Variants in SVOPL observed in about 807,000 individuals in gnomAD.
The protein encoded by SVOPL is putative transporter SVOPL.
In SVOPL, 60 loss-of-function variants were observed where a neutral mutation model predicts 61.0. The ratio of observed to expected loss-of-function variants is 0.98; its 90% CI spans 0.80 to 1.22. The LOEUF is 1.22. Ranked by LOEUF, SVOPL falls within the 50% of genes most tolerant of loss-of-function variation. The probability of loss-of-function intolerance (pLI) is 0.00; values close to 1 mark genes in which losing one functional copy is unlikely to be tolerated. For missense variants in SVOPL, 662 were observed against 643.9 expected, an observed-to-expected ratio of 1.03 and a Z score of -0.30; for synonymous variants, 279 against 250.0, an observed-to-expected ratio of 1.12 and a Z score of -1.09.
intron 12 of SVOPL, 187 bp from the exon 13 acceptor site, chr7:138,626,237 C>CA (rs1799888347): frequency 1.7e-6 from 1 of 597,786 alleles, no homozygotes; most frequent in Non-Finnish European, 3.0e-6. Context: ...ATCTTACTCC[C>CA]ACTGCCTTCT....
chr7:138,689,806 G>C (rs1802900798), intron 1 of SVOPL, among the ~76,000 whole-genome samples: 1 of 147,088 alleles, frequency 6.8e-6, no homozygotes, highest in African/African-American at 2.5e-5. Context: ...GCAGTGAGCT[G>C]AGATCATGCC....
chr7:138,663,711 T>C (rs948796824), intron 4 of SVOPL: 2 of 656,314 alleles, frequency 3.0e-6, no homozygotes, highest in Non-Finnish European at 3.8e-6. Flanking sequence ...TTTTATTTAT[T>C]ATAACTTGGC....
At chr7:138,680,571 T>TTGTGTG (rs60027714) in intron 1 of SVOPL, among the ~76,000 whole-genome samples, 344 of 148,106 alleles carry the variant, frequency 2.3e-3, no homozygotes, top group African/African-American at 7.4e-3. Context: ...ACACAGACTT[T>TTGTGTG]TGTGTGTGTG....
rs559202354 is a variant in SVOPL at position 138,661,275 on chromosome 7, T to C, written c.346-1287A>G. 12 of 985,412 alleles carry C rather than the reference T, an allele frequency of 1.2e-5. No homozygotes were observed. In the South Asian group the frequency reaches 5.6e-4, roughly 46 times the overall value. The allele number at this position is 985,412 out of a possible 1,614,324, so 61.0% of individuals were successfully genotyped here. A position where few individuals can be genotyped will look rare whatever the true frequency, so the allele number is the denominator to read the frequency against. Reference sequence around the variant, plus strand: ...GTCTAATCTTAGTAGGCACGTGACTTTGAGCACGTAGCTAGTTTCAAAGCT... The same window carrying C: ...GTCTAATCTTAGTAGGCACGTGACTCTGAGCACGTAGCTAGTTTCAAAGCT... On this transcript the variant is annotated intron_variant, in intron 5 of 15. Coordinates refer to ENST00000674285, the MANE Select transcript of SVOPL (RefSeq NM_001139456.2).
chr7:138,678,545 T>C lies in SVOPL; in HGVS notation c.83-20A>G. 1 of 1,550,224 alleles carries C rather than the reference T, an allele frequency of 6.5e-7. No homozygotes were observed. Among genetic ancestry groups the C allele is most frequent in the Non-Finnish European group, 8.7e-7 (1 of 1,146,334 alleles). ...TTGGCTCTAACAACGAAAGACAAAGTGGAAAAAATTGCTTCTGCAGGGAAG... is the reference window on the plus strand; with the variant it reads ...TTGGCTCTAACAACGAAAGACAAAGCGGAAAAAATTGCTTCTGCAGGGAAG... On this transcript the variant is annotated intron_variant, in intron 2 of 15. Transcript: ENST00000674285.
rs534697369 is a variant in SVOPL, at chr7:138,600,475, G to A, written c.1354-3945C>T. 5.9e-4 allele frequency among the ~76,000 whole-genome samples: 90 copies of A among 151,824 alleles called. No homozygotes were observed. The South Asian group carries it at 7.7e-3, about 13-fold the overall frequency. ...AAATTAGTCAGACACAGCAGCACAC[G>A]CCTGTACTCCCAGCTACTCAGAAGG... On this transcript the variant is annotated intron_variant, in intron 14 of 15. Coordinates refer to ENST00000674285, the MANE Select transcript of SVOPL (RefSeq NM_001139456.2).
intron 9 of SVOPL, among the ~76,000 whole-genome samples, chr7:138,640,767 G>A (rs1800742928): frequency 6.6e-6 from 1 of 152,082 alleles, no homozygotes; most frequent in Admixed American, 6.6e-5. Flanking sequence ...CTACTAGAGT[G>A]GGGAGGGAAA....
At chr7:138,646,756 C>G (rs535464212) in intron 8 of SVOPL, among the ~76,000 whole-genome samples, 15 of 152,234 alleles carry the variant, frequency 9.9e-5, no homozygotes, top group Admixed American at 8.5e-4. Context: ...TGGGCTCAAG[C>G]GATCCTCCTG....
In SVOPL at chr7:138,678,541, A is replaced by G. The variant is rs774191530; in HGVS notation, c.83-16T>C. The stretch of plus-strand genomic sequence containing the variant: ...GTCTTTGGCTCTAACAACGAAAGAC[A>G]AAGTGGAAAAAATTGCTTCTGCAGG... On this transcript the variant is annotated splice_polypyrimidine_tract_variant and intron_variant, in intron 2 of 15. Coordinates refer to ENST00000674285, the MANE Select transcript of SVOPL (RefSeq NM_001139456.2). 5 of 1,551,200 alleles carry G rather than the reference A, an allele frequency of 3.2e-6. No homozygotes were observed. The South Asian group carries it at 3.6e-5, about 11-fold the overall frequency.
chr7:138,628,470 G>A (rs1010595680), intron 10 of SVOPL, 107 bp from the exon 11 acceptor site: 14 of 1,174,910 alleles, frequency 1.2e-5, no homozygotes, highest in Admixed American at 1.1e-4. Context: ...AGCAAAGAGA[G>A]CAGAAAGCCA....
At chr7:138,679,249 G>A (rs1444366341) in intron 1 of SVOPL, among the ~76,000 whole-genome samples, 170 bp from the exon 2 acceptor site, 3 of 151,922 alleles carry the variant, frequency 2.0e-5, no homozygotes, top group Non-Finnish European at 4.4e-5. Context: ...GCAGCTCAGT[G>A]TTTTTTTTCC....
chr7:138,634,749 G>A (rs1000716653), intron 9 of SVOPL, among the ~76,000 whole-genome samples: 2 of 151,630 alleles, frequency 1.3e-5, no homozygotes, highest in African/African-American at 4.8e-5. Context: ...GATTGCTTGA[G>A]CCCAGGAGTT....
chr7:138,620,127 T>TTTTG (rs1799493153), intron 14 of SVOPL, among the ~76,000 whole-genome samples: 1 of 143,452 alleles, frequency 7.0e-6, no homozygotes, highest in African/African-American at 2.6e-5. Flanking sequence ...CTGTTTTGTT[T>TTTTG]TTTTTTTTTT....
At chr7:138,619,896 A>G (rs550252027) in intron 14 of SVOPL, among the ~76,000 whole-genome samples, 2 of 152,212 alleles carry the variant, frequency 1.3e-5, no homozygotes, top group East Asian at 3.9e-4. Context: ...TGGAGCTGCC[A>G]CATGCACAGG....
Position 138,654,500 on chromosome 7 carries a change from G to GTTTTT in SVOPL, c.534+1943_534+1947dup, listed in dbSNP as rs71179717. On this transcript the variant is annotated intron_variant, in intron 7 of 15. Coordinates refer to ENST00000674285, the MANE Select transcript of SVOPL (RefSeq NM_001139456.2). ...GTTTACAGCATGGTTTACTGAGTTT[G>GTTTTT]TTTTTTTTTTTTTTTTTGAGACGGA... Among the ~76,000 whole-genome samples, 56 of 125,512 alleles carry GTTTTT rather than the reference G, an allele frequency of 4.5e-4. 5 individuals carry two copies. Among genetic ancestry groups the GTTTTT allele is most frequent in the East Asian group, 1.6e-3 (7 of 4,262 alleles). The allele number at this position is 125,512 out of a possible 152,430, so 82.3% of individuals were successfully genotyped here.
intron 9 of SVOPL, among the ~76,000 whole-genome samples, chr7:138,642,616 C>T (rs1025652477): frequency 6.6e-6 from 1 of 151,486 alleles, no homozygotes; most frequent in African/African-American, 2.4e-5. Context: ...CTCTTGAGCT[C>T]GGGAGTTCAA....
intron 7 of SVOPL, among the ~76,000 whole-genome samples, chr7:138,652,616 CT>C (rs80311372): frequency 0.035 from 5,246 of 151,560 alleles, 283 homozygotes; most frequent in African/African-American, 0.12. Flanking sequence ...AGGAAAAGTT[CT>C]TTTTTTTTTT....
At chr7:138,654,887 A>ATTTTT (rs1563122657) in intron 7 of SVOPL, among the ~76,000 whole-genome samples, 26 of 93,980 alleles carry the variant, frequency 2.8e-4, no homozygotes, top group African/African-American at 1.2e-3. Context: ...TTTTTTTTTA[A>ATTTTT]AAAAAAAAAG....
intron 14 of SVOPL, among the ~76,000 whole-genome samples, chr7:138,601,196 G>A (rs1162505498): frequency 2.0e-5 from 3 of 147,672 alleles, no homozygotes; most frequent in East Asian, 3.9e-4. Flanking sequence ...AGCTTGCAGT[G>A]AGCCAAGATC....
Sources: gnomAD v4.1 joint callset for allele counts (sites outside exome capture counted in the v4.1 genomes callset) on GRCh38, gnomAD v4.1.1 for gene constraint, MANE v1.5 for transcripts, NCBI Gene and HGNC (gene_info 2026-07-23, HGNC 2026-07-21) for gene names.